The following TSC2 variants were observed in gnomAD, a reference collection of about 807,000 sequenced individuals.
TSC2 encodes tuberin.
Under a neutral mutation model 202.2 loss-of-function variants are expected in TSC2, and 29 were observed. That is an observed-to-expected ratio of 0.14 (90% CI 0.11 to 0.20). The LOEUF is 0.20. TSC2 is among the 10% of genes least tolerant of loss of function. The probability of loss-of-function intolerance (pLI) is 1.00; values close to 1 mark genes in which losing one functional copy is unlikely to be tolerated. For synonymous variants in TSC2, 1,349 were observed against 1,044.0 expected (o/e 1.29, Z -5.63); for missense variants, 2,429 against 2,420.0 (o/e 1.00, Z -0.08).
At chr16:2,074,517 G>T in intron 22 of TSC2, 128 bp downstream of exon 22, 1 of 1,221,384 alleles carries the variant, frequency 8.2e-7, no homozygotes, top group Non-Finnish European at 1.2e-6. Flanking sequence ...CTGCCTCAGG[G>T]CCTGGGCGTC....
intron 1 of TSC2, 164 bp downstream of exon 1, chr16:2,048,229 G>A (rs779120404): frequency 2.1e-5 from 30 of 1,449,092 alleles, no homozygotes; most frequent in Non-Finnish European, 2.8e-5. Flanking sequence ...GGTGCGAACG[G>A]GTCTCTGCTG....
At position 2,088,890 on chromosome 16, in the gene TSC2, C is replaced by G; in HGVS notation, c.*280C>G. 1 of 454,034 alleles carries G rather than the reference C, an allele frequency of 2.2e-6. No homozygotes were observed. The highest frequency in any genetic ancestry group is 3.9e-6 in the Non-Finnish European group (1 of 253,856). 28.1% of individuals were successfully genotyped at this position (454,034 alleles called of 1,614,324 possible). A position where few individuals can be genotyped will look rare whatever the true frequency, so the allele number is the denominator to read the frequency against. On this transcript the variant is annotated 3_prime_UTR_variant, in exon 42 of 42. Coordinates refer to ENST00000219476, the MANE Select transcript of TSC2 (RefSeq NM_000548.5). ...TCGCGCGTGCGCGCGCGCACACACACACACACACAGTCACCTTCCTCCACC... is the reference window on the plus strand; with the variant it reads ...TCGCGCGTGCGCGCGCGCACACACAGACACACACAGTCACCTTCCTCCACC...
At chr16:2,080,544 C>T (rs571474917) in intron 30 of TSC2, 167 bp downstream of exon 30, 78 of 775,132 alleles carry the variant, frequency 1.0e-4, no homozygotes, top group Admixed American at 5.0e-4. Flanking sequence ...AACGCAGTGG[C>T]GCAATCTCGG....
At chr16:2,063,204 C>T (rs1596308061) in intron 14 of TSC2, 151 bp downstream of exon 14, 1 of 932,106 alleles carries the variant, frequency 1.1e-6, no homozygotes, top group East Asian at 2.6e-5. Flanking sequence ...GTCTGTTTAC[C>T]CCTGTTCATT....
At chr16:2,075,716 G>A (rs2089232807) in intron 22 of TSC2, 83 bp from the exon 23 acceptor site, 2 of 1,466,628 alleles carry the variant, frequency 1.4e-6, no homozygotes, top group Non-Finnish European at 1.9e-6. Flanking sequence ...CCCCATCGCT[G>A]CCGTGGGCAG....
In TSC2 at chr16:2,079,418, C is replaced by T. The variant is rs2089845906; in HGVS notation, c.3274C>T (p.Pro1092Ser). The T allele has an allele frequency of 1.2e-6, 2 of 1,612,768 alleles. No homozygotes were observed. Among genetic ancestry groups the T allele is most frequent in the South Asian group, 1.1e-5 (1 of 91,082 alleles). ...GLDSGELQSG[P>S]ESSSSPGVHV... ...GGACTCGGGGGAGCTGCAGTCCGGC[C>T]CGGAGTCGAGGTGACTGCACCTTCC... The change falls in exon 28 of 42, where the codon CCG becomes TCG. Residue 1092 changes from proline (P) to serine (S), a missense_variant. Coordinates refer to ENST00000219476, the MANE Select transcript of TSC2 (RefSeq NM_000548.5). This position sits in a 1 kb window ranked among gnomAD's most constrained non-coding sequence, Gnocchi z 4.6.
In TSC2 at chr16:2,048,075, G is replaced by A; in HGVS notation, c.-30+10G>A. 1 of 1,424,128 alleles carries A rather than the reference G, an allele frequency of 7.0e-7. No homozygotes were observed. Among genetic ancestry groups the A allele is most frequent in the Non-Finnish European group, 9.1e-7 (1 of 1,096,502 alleles). 88.2% of individuals were successfully genotyped at this position (1,424,128 alleles called of 1,614,324 possible). ...GGTGGCGCGGCGCGGGGTAAGTGGC[G>A]GTCCCCACGGGGCAAGTGGCGGTCC... On this transcript the variant is annotated intron_variant, in intron 1 of 41. Coordinates refer to ENST00000219476, the MANE Select transcript of TSC2 (RefSeq NM_000548.5).
chr16:2,078,885 T>G, intron 26 of TSC2, 147 bp from the exon 27 acceptor site: 1 of 1,002,922 alleles, frequency 1.0e-6, no homozygotes, highest in East Asian at 2.5e-5. Context: ...ATTCTCAAGC[T>G]GAGGCTCGCT....
At chr16:2,062,134 C>G in intron 12 of TSC2, 126 bp downstream of exon 12, 3 of 1,385,914 alleles carry the variant, frequency 2.2e-6, no homozygotes, top group Non-Finnish European at 3.0e-6. Flanking sequence ...TTCCAGGTTT[C>G]TGCACTCGGC....
rs965022813 is a variant in TSC2 at position 2,087,012 on chromosome 16, C to T, written c.4989+141C>T. On this transcript the variant is annotated intron_variant, in intron 38 of 41. Transcript: ENST00000219476. ...CGCAGTGCTCAGGGCCCCGTGGGCACGAGCTTCACCCCGAGCCTGCGTTGT... is the reference window on the plus strand; with the variant it reads ...CGCAGTGCTCAGGGCCCCGTGGGCATGAGCTTCACCCCGAGCCTGCGTTGT... The T allele has an allele frequency of 1.7e-5, 22 of 1,287,000 alleles. No homozygotes were observed. In the East Asian group the frequency reaches 2.0e-4, roughly 12 times the overall value. The allele number at this position is 1,287,000 out of a possible 1,614,324, so 79.7% of individuals were successfully genotyped here.
At position 2,053,415 on chromosome 16, in the gene TSC2, C is replaced by A; in HGVS notation, c.299C>A (p.Ala100Glu). The change falls in exon 4 of 42, where the codon GCG becomes GAG. Residue 100 changes from alanine to glutamate, a missense_variant. Coordinates refer to ENST00000219476, the MANE Select transcript of TSC2 (RefSeq NM_000548.5). ...GAGCGGCCGCTGGAGGCCCGGCACG[C>A]GGTGCTGGCTCTGCTGAAGGCCATC... ...QPERPLEARH[A>E]VLALLKAIVQ... 1 of 1,585,900 alleles carries A rather than the reference C, an allele frequency of 6.3e-7. No homozygotes were observed. The highest frequency in any genetic ancestry group is 2.3e-5 in the East Asian group (1 of 43,416).
At chr16:2,068,791 T>C (rs959905341) in intron 16 of TSC2, 6 of 142,364 alleles carry the variant, frequency 4.2e-5, no homozygotes, top group African/African-American at 1.3e-4. Flanking sequence ...GAGAATCACT[T>C]GAACCTGGGA....
In TSC2 at chr16:2,078,597, G is replaced by A. The variant is rs993833305; in HGVS notation, c.2967-435G>A. On this transcript the variant is annotated intron_variant, in intron 26 of 41. Coordinates refer to ENST00000219476, the MANE Select transcript of TSC2 (RefSeq NM_000548.5). ...GGGTGTGGAGCTCAGGCAGCCGCTC[G>A]CCTGCCTGAGGGTGACGGTGGAAGG... 133 of 251,356 alleles carry A rather than the reference G, an allele frequency of 5.3e-4. 1 individual carries two copies. The highest frequency in any genetic ancestry group is 2.7e-3 in the African/African-American group (121 of 44,662). The allele number at this position is 251,356 out of a possible 1,614,324, so 15.6% of individuals were successfully genotyped here. A position where few individuals can be genotyped will look rare whatever the true frequency, so the allele number is the denominator to read the frequency against.
rs1263108967 is a variant in TSC2 at position 2,048,656 on chromosome 16, A to G, written c.41A>G (p.Lys14Arg). 2 of 1,613,988 alleles carry G rather than the reference A, an allele frequency of 1.2e-6. No individual in the cohort carries two copies. Among genetic ancestry groups the G allele is most frequent in the Non-Finnish European group, 1.7e-6 (2 of 1,180,026 alleles). ...PTSKDSGLKEKFKILLGLGTP... is the reference protein window; with the variant it reads ...PTSKDSGLKERFKILLGLGTP... ...AGCAAAGATTCAGGCTTGAAGGAGA[A>G]GTTTAAGATTCTGTTGGGACTGGGA... Residue 14 changes from lysine to arginine, a missense_variant, in exon 2 of 42, where the codon AAG (lysine) becomes AGG (arginine). Transcript: ENST00000219476.
intron 32 of TSC2, 57 bp downstream of exon 32, chr16:2,082,561 G>T: frequency 6.3e-7 from 1 of 1,591,062 alleles, no homozygotes; most frequent in Non-Finnish European, 8.6e-7. Context: ...CCTCATAGGT[G>T]CTGTGCTCGT....
chr16:2,087,777 T>C, intron 38 of TSC2, 86 bp from the exon 39 acceptor site: 1 of 1,469,490 alleles, frequency 6.8e-7, no homozygotes, highest in South Asian at 1.2e-5. Flanking sequence ...AGCTGACAGG[T>C]GTCTAGCAGT....
chr16:2,066,315 C>T (rs997022464), intron 16 of TSC2: 7 of 152,680 alleles, frequency 4.6e-5, no homozygotes, highest in African/African-American at 1.4e-4. Flanking sequence ...TGTCCAGGCC[C>T]GTCCAGGCTG....
At chr16:2,052,239 G>A (rs1020142250) in intron 3 of TSC2, among the ~76,000 whole-genome samples, 1 of 147,638 alleles carries the variant, frequency 6.8e-6, no homozygotes, top group African/African-American at 2.6e-5. Flanking sequence ...ATGAGACAAA[G>A]GAGGTGAGAG....
intron 11 of TSC2, 188 bp from the exon 12 acceptor site, chr16:2,061,683 C>A: frequency 1.1e-6 from 1 of 916,860 alleles, no homozygotes; most frequent in Non-Finnish European, 1.7e-6. Context: ...TGGAGAGGAT[C>A]TGGGGGTGTC....
Sources: gnomAD v4.1 joint callset for allele counts (sites outside exome capture counted in the v4.1 genomes callset) on GRCh38, gnomAD v4.1.1 for gene constraint, Gnocchi (gnomAD v3.1) non-coding constraint, MANE v1.5 for transcripts, NCBI Gene and HGNC (gene_info 2026-07-23, HGNC 2026-07-21) for gene names.